The following AHNAK variants were observed in gnomAD, a reference collection of about 807,000 sequenced individuals.
The protein encoded by AHNAK is AHNAK nucleoprotein, also known as neuroblast differentiation-associated protein AHNAK.
Under a neutral mutation model 37.8 loss-of-function variants are expected in AHNAK, and 23 were observed. The observed-to-expected ratio is 0.61, with a 90% CI of 0.44 to 0.86. AHNAK has a LOEUF of 0.86. Ranked by LOEUF, AHNAK falls within the 40% of genes least tolerant of loss-of-function variation. The pLI is 0.00. For synonymous variants in AHNAK, 2,481 were observed against 2,636.3 expected, an observed-to-expected ratio of 0.94 and a Z score of 1.80; for missense variants, 7,411 against 7,319.4, an observed-to-expected ratio of 1.01 and a Z score of -0.46.
At chr11:62,437,379 G>A (rs1358452554) in intron 5 of AHNAK, among the ~76,000 whole-genome samples, 6 of 152,176 alleles carry the variant, frequency 3.9e-5, no homozygotes, top group African/African-American at 9.6e-5. Context: ...GTTTTGAGAC[G>A]GAGTCTCACT....
At chr11:62,464,946 A>G (rs1192772563) in intron 5 of AHNAK, among the ~76,000 whole-genome samples, 2 of 152,202 alleles carry the variant, frequency 1.3e-5, no homozygotes, top group Non-Finnish European at 2.9e-5. Context: ...GCAGTAACAA[A>G]CAGCTCCTGG....
rs55916906 is a variant in AHNAK at position 62,464,667 on chromosome 11, CA to C, written c.442+27064del. Among the ~76,000 whole-genome samples the C allele has an allele frequency of 4.3e-3, 612 of 141,928 alleles. 4 individuals are homozygous for C. The highest frequency in any genetic ancestry group is 0.012 in the African/African-American group (448 of 37,974). 93.1% of individuals were successfully genotyped at this position (141,928 alleles called of 152,430 possible). ...TGGGCAACAGACCAAGATTCCGTCT[CA>C]AAAAAAAAAAAAATTAGCCAAGTAT... On this transcript the variant is annotated intron_variant, in intron 5 of 5. Transcript: ENST00000257247.
At chr11:62,495,606 G>A (rs943152167) in intron 4 of AHNAK, among the ~76,000 whole-genome samples, 7 of 151,056 alleles carry the variant, frequency 4.6e-5, no homozygotes, top group Non-Finnish European at 1.0e-4. Context: ...GGGCATGAAG[G>A]CATGCACCTG....
At chr11:62,441,223 A>T (rs1417281630) in intron 5 of AHNAK, among the ~76,000 whole-genome samples, 2 of 151,746 alleles carry the variant, frequency 1.3e-5, no homozygotes, top group Non-Finnish European at 2.9e-5. Context: ...GCTAGTCTCG[A>T]ACTCCTGACC....
chr11:62,516,936 T>C lies in AHNAK; in HGVS notation c.17481A>G (p.Gly5827=), dbSNP rs1194337488. 3.1e-6 allele frequency: 5 copies of C among 1,613,910 alleles called. No individual in the cohort carries two copies. The South Asian group carries it at 5.5e-5, about 18-fold the overall frequency. ...HGKLKFGTFG[G]LGSKSKGHYE... is the part of the protein sequence containing the mutation. Reference sequence around the variant, plus strand: ...AATGACCTTTGCTCTTTGACCCCAATCCACCAAAGGTACCGAATTTCAGCT... The same window carrying C: ...AATGACCTTTGCTCTTTGACCCCAACCCACCAAAGGTACCGAATTTCAGCT... Residue 5827 remains glycine, a synonymous_variant, in exon 5 of 5, where the codon GGA becomes GGG. Transcript: ENST00000378024.
In AHNAK at chr11:62,535,936, G is replaced by A; in HGVS notation, c.154+9C>T. 3.1e-6 allele frequency: 5 copies of A among 1,607,202 alleles called. No homozygotes were observed. Among genetic ancestry groups the A allele is most frequent in the Non-Finnish European group, 4.2e-6 (5 of 1,178,072 alleles). Reference sequence around the variant, plus strand: ...ACCAGCACCCAGTCCACACCCTGGGGTGACTCACCCTCCTTGACCACCCCA... The same window carrying A: ...ACCAGCACCCAGTCCACACCCTGGGATGACTCACCCTCCTTGACCACCCCA... On this transcript the variant is annotated intron_variant, in intron 3 of 4. Transcript: ENST00000378024.
chr11:62,544,414 A>T (rs528991986), intron 1 of AHNAK, among the ~76,000 whole-genome samples: 55 of 151,812 alleles, frequency 3.6e-4, no homozygotes, highest in African/African-American at 1.2e-3. Flanking sequence ...GTGGCTCCCC[A>T]TGTGTCCCTG....
In AHNAK at chr11:62,515,966, T is replaced by G. The variant is rs1940005119; in HGVS notation, c.*778A>C. 1 of 1,171,442 alleles carries G rather than the reference T, an allele frequency of 8.5e-7. No homozygotes were observed. Among genetic ancestry groups the G allele is most frequent in the Admixed American group, 3.7e-5 (1 of 27,288 alleles). 72.6% of individuals were successfully genotyped at this position (1,171,442 alleles called of 1,614,324 possible). ...CAATTTTCTTACATTCTCAGTTAATTGGCCATTAAAGTGCTGGAAATTTTC... is the reference window on the plus strand; with the variant it reads ...CAATTTTCTTACATTCTCAGTTAATGGGCCATTAAAGTGCTGGAAATTTTC... On this transcript the variant is annotated 3_prime_UTR_variant, in exon 5 of 5. Coordinates refer to ENST00000378024, the MANE Select transcript of AHNAK (RefSeq NM_001620.3).
Position 62,531,641 on chromosome 11 carries a change from C to T in AHNAK, c.2776G>A (p.Glu926Lys). The T allele has an allele frequency of 6.2e-7, 1 of 1,613,524 alleles. No individual in the cohort carries two copies. Among genetic ancestry groups the T allele is most frequent in the Non-Finnish European group, 8.5e-7 (1 of 1,179,882 alleles). The change falls in exon 5 of 5, where the codon GAA (glutamate) becomes AAA (lysine). Residue 926 changes from glutamate (E) to lysine (K), a missense_variant. By Grantham distance (56) the Glu-to-Lys change is moderately conservative. Transcript: ENST00000378024. The part of the protein sequence containing the change: ...EVPDVNIEGP[E>K]GKLKGPKFKM... ...AACTTGGGGCCCTTCAGCTTTCCTTCAGGTCCTTCAATATTCACATCTGGA... is the reference window on the plus strand; with the variant it reads ...AACTTGGGGCCCTTCAGCTTTCCTTTAGGTCCTTCAATATTCACATCTGGA...
chr11:62,448,809 C>T (rs1938472060), intron 5 of AHNAK, among the ~76,000 whole-genome samples: 1 of 152,164 alleles, frequency 6.6e-6, no homozygotes, highest in Non-Finnish European at 1.5e-5. Flanking sequence ...GTGGCTCACG[C>T]CTATAATCCC....
chr11:62,455,866 CA>C lies in AHNAK; in HGVS notation c.443-21976del, dbSNP rs528335539. Among the ~76,000 whole-genome samples, 921 of 134,586 alleles carry C rather than the reference CA, an allele frequency of 6.8e-3. 10 individuals carry two copies. The highest frequency in any genetic ancestry group is 0.022 in the African/African-American group (798 of 36,322). 88.3% of individuals were successfully genotyped at this position (134,586 alleles called of 152,430 possible). A position where few individuals can be genotyped will look rare whatever the true frequency, so the allele number is the denominator to read the frequency against. ...GGTAACGAGCAAATCTCCATCCCCC[CA>C]AAAAAAAAAAAACTATACAAAATTA... On this transcript the variant is annotated intron_variant, in intron 5 of 5. Transcript: ENST00000257247.
At position 62,528,614 on chromosome 11, in the gene AHNAK, T is replaced by C. The variant is rs1940601668; in HGVS notation, c.5803A>G (p.Lys1935Glu). ...PDVDLHLKGP[K>E]VKGDVDVSVP... ...GACACATCCACATCCCCTTTGACTT[T>C]GGGGCCTTTCAAGTGTAAGTCCACA... The change falls in exon 5 of 5, where the codon AAA (lysine) becomes GAA (glutamate). Residue 1935 changes from lysine (K) to glutamate (E), a missense_variant. Physicochemically the swap from Lys to Glu is moderately conservative, Grantham distance 56 (BLOSUM62 1). Coordinates refer to ENST00000378024, the MANE Select transcript of AHNAK (RefSeq NM_001620.3). 2.5e-6 allele frequency: 4 copies of C among 1,610,322 alleles called. No individual in the cohort carries two copies. In the South Asian group the frequency reaches 3.3e-5, roughly 13 times the overall value.
Position 62,525,671 on chromosome 11 carries a change from C to T in AHNAK, c.8746G>A (p.Val2916Met). The change falls in exon 5 of 5, where the codon GTG becomes ATG. Residue 2916 changes from valine to methionine, a missense_variant. Transcript: ENST00000378024. ...TCAACGTCAGCCTTGGGCAGGTTCACATCCACTTCAGGGCCCTCTGCTTTG... is the reference window on the plus strand; with the variant it reads ...TCAACGTCAGCCTTGGGCAGGTTCATATCCACTTCAGGGCCCTCTGCTTTG... ...GFKAEGPEVD[V>M]NLPKADVDVS... The T allele has an allele frequency of 1.9e-6, 3 of 1,613,812 alleles. No individual in the cohort carries two copies. The highest frequency in any genetic ancestry group is 1.7e-6 in the Non-Finnish European group (2 of 1,179,976).
At chr11:62,534,384 G>T (rs934833111) in intron 4 of AHNAK, among the ~76,000 whole-genome samples, 1 of 152,186 alleles carries the variant, frequency 6.6e-6, no homozygotes, top group Non-Finnish European at 1.5e-5. Context: ...GCCTGTGCCA[G>T]GGACACCTCC....
Position 62,527,031 on chromosome 11 carries a change from G to A in AHNAK, c.7386C>T (p.Leu2462=), listed in dbSNP as rs766181373. 6.2e-6 allele frequency: 10 copies of A among 1,613,808 alleles called. No individual in the cohort carries two copies. The highest frequency in any genetic ancestry group is 2.7e-5 in the African/African-American group (2 of 74,844). The change falls in exon 5 of 5, where the codon CTC becomes CTT. Residue 2462 remains leucine (L), a synonymous_variant. Transcript: ENST00000378024. ...CATCCCCCTTGATTTTGGGTCCTTT[G>A]AGATTTAGATCAACATCAGGCATAG... ...NISMPDVDLN[L]KGPKIKGDVD...
Position 62,519,795 on chromosome 11 carries a change from A to G in AHNAK, c.14622T>C (p.Val4874=). Residue 4874 remains valine (V), a synonymous_variant, in exon 5 of 5, where the codon GTT becomes GTC. Transcript: ENST00000378024. ...KGDFDVSVPK[V]EGTLKGPEVD... is the part of the protein sequence containing the mutation. ...CTTCTGGGCCTTTCAAAGTCCCTTC[A>G]ACCTTAGGGACAGACACATCAAAAT... The G allele has an allele frequency of 6.2e-7, 1 of 1,613,748 alleles. No homozygotes were observed. The highest frequency in any genetic ancestry group is 8.5e-7 in the Non-Finnish European group (1 of 1,179,780).
rs1186742444 is a variant in AHNAK at position 62,522,074 on chromosome 11, G to T, written c.12343C>A (p.Pro4115Thr). 1 of 1,613,696 alleles carries T rather than the reference G, an allele frequency of 6.2e-7. No homozygotes were observed. The highest frequency in any genetic ancestry group is 1.7e-5 in the Admixed American group (1 of 59,960). Residue 4115 changes from proline to threonine, a missense_variant, in exon 5 of 5, where the codon CCC becomes ACC. By Grantham distance (38) the Pro-to-Thr change is conservative. Transcript: ENST00000378024. ...IHGPEGKLKG[P>T]KFKMPDLHLK... ...TGCAGGTCAGGCATTTTAAATTTGGGGCCCTTCAGTTTCCCTTCTGGACCA... is the reference window on the plus strand; with the variant it reads ...TGCAGGTCAGGCATTTTAAATTTGGTGCCCTTCAGTTTCCCTTCTGGACCA...
intron 5 of AHNAK, among the ~76,000 whole-genome samples, chr11:62,486,792 C>T (rs1234635407): frequency 6.6e-6 from 1 of 151,174 alleles, no homozygotes; most frequent in Admixed American, 6.6e-5. Flanking sequence ...GGAGAACTCA[C>T]AGATTGGCCC....
chr11:62,437,392 G>C (rs1287479928), intron 5 of AHNAK, among the ~76,000 whole-genome samples: 1 of 152,084 alleles, frequency 6.6e-6, no homozygotes, highest in Non-Finnish European at 1.5e-5. Context: ...GTCTCACTCT[G>C]TCTGCCAGGC....
Sources: allele counts gnomAD v4.1 joint callset (sites outside exome capture counted in the v4.1 genomes callset), GRCh38; gene constraint gnomAD v4.1.1; transcripts MANE v1.5; gene names NCBI Gene and HGNC (gene_info 2026-07-23, HGNC 2026-07-21).